HCN1: variants seen among roughly 807,000 people sequenced by gnomAD.
The protein encoded by HCN1 is potassium/sodium hyperpolarization-activated cyclic nucleotide-gated channel 1.
A neutral mutation model predicts 78.9 loss-of-function variants in HCN1; 13 were observed. That is an observed-to-expected ratio of 0.16 (90% CI 0.11 to 0.26). HCN1 has a LOEUF of 0.26. HCN1 is among the 10% of genes least tolerant of loss of function. The pLI is 1.00. For missense variants in HCN1, 810 were observed against 1,154.3 expected (o/e 0.70, Z 4.32); for synonymous variants, 552 against 455.5 (o/e 1.21, Z -2.70).
chr5:45,295,587 G>T (rs955446981), intron 6 of HCN1, among the ~76,000 whole-genome samples: 1 of 151,974 alleles, frequency 6.6e-6, no homozygotes, highest in Non-Finnish European at 1.5e-5. Flanking sequence ...CATTATTGTA[G>T]ATATAAATCA....
chr5:45,480,794 C>T (rs1400554012), intron 2 of HCN1, among the ~76,000 whole-genome samples: 1 of 152,120 alleles, frequency 6.6e-6, no homozygotes, highest in Non-Finnish European at 1.5e-5. Context: ...CAAAGGAAAA[C>T]AATTAAGAGA....
intron 6 of HCN1, among the ~76,000 whole-genome samples, chr5:45,298,480 T>C (rs966147360): frequency 6.6e-6 from 1 of 151,724 alleles, no homozygotes; most frequent in Admixed American, 6.6e-5. Context: ...AAGAAAAAAT[T>C]TACCCACAAT....
At chr5:45,482,633 G>T (rs903841195) in intron 2 of HCN1, among the ~76,000 whole-genome samples, 9 of 152,068 alleles carry the variant, frequency 5.9e-5, no homozygotes, top group Non-Finnish European at 1.2e-4. Context: ...TTTTGTTTTA[G>T]ATACAGGGGG....
chr5:45,464,554 C>T (rs1157797290), intron 2 of HCN1, among the ~76,000 whole-genome samples: 1 of 152,118 alleles, frequency 6.6e-6, no homozygotes, highest in Non-Finnish European at 1.5e-5. Context: ...GGAGAAGGTA[C>T]AAGCAAGTTG....
intron 2 of HCN1, among the ~76,000 whole-genome samples, chr5:45,498,899 G>A (rs1466456116): frequency 6.6e-6 from 1 of 152,150 alleles, no homozygotes; most frequent in African/African-American, 2.4e-5. Context: ...CTGCTTGGGG[G>A]TCAGGGGTCA....
At chr5:45,304,862 T>C (rs555736086) in intron 5 of HCN1, among the ~76,000 whole-genome samples, 1 of 152,228 alleles carries the variant, frequency 6.6e-6, no homozygotes, top group African/African-American at 2.4e-5. Context: ...ATCTGTATGT[T>C]TGATTTCATT....
In HCN1 at chr5:45,258,060, GAT is replaced by G. The variant is rs1442631927; in HGVS notation, c.*3859_*3860del. 3 of 152,028 alleles carry G rather than the reference GAT, an allele frequency of 2.0e-5. No homozygotes were observed. Among genetic ancestry groups the G allele is most frequent in the Non-Finnish European group, 4.4e-5 (3 of 68,002 alleles). The allele number at this position is 152,028 out of a possible 1,614,324, so 9.4% of individuals were successfully genotyped here. The stretch of plus-strand genomic sequence containing the variant: ...ATGGCACATGTTCTAAAAAGATAAA[GAT>G]ATAATGGAGAGATATCTCATTCAAA... On this transcript the variant is annotated 3_prime_UTR_variant, in exon 8 of 8. Coordinates refer to ENST00000303230, the MANE Select transcript of HCN1 (RefSeq NM_021072.4).
chr5:45,336,707 C>A (rs555021965), intron 5 of HCN1, among the ~76,000 whole-genome samples: 1 of 152,110 alleles, frequency 6.6e-6, no homozygotes, highest in African/African-American at 2.4e-5. Flanking sequence ...AAAATTATTT[C>A]TCACAGTTCT....
intron 3 of HCN1, among the ~76,000 whole-genome samples, chr5:45,400,809 G>A (rs945335968): frequency 1.3e-5 from 2 of 151,968 alleles, no homozygotes; most frequent in African/African-American, 2.4e-5. Flanking sequence ...CCAAAATCAG[G>A]TATGGATCAT....
At chr5:45,269,751 AC>A (rs1247091012) in intron 6 of HCN1, among the ~76,000 whole-genome samples, 2 of 152,096 alleles carry the variant, frequency 1.3e-5, no homozygotes, top group Admixed American at 6.6e-5. Context: ...CTATTCCGCA[AC>A]ATGGAGGGAG....
intron 3 of HCN1, among the ~76,000 whole-genome samples, chr5:45,407,285 T>G (rs1739944270): frequency 6.6e-6 from 1 of 152,092 alleles, no homozygotes; most frequent in African/African-American, 2.4e-5. Context: ...ACTCATCTGC[T>G]TGTGGCAATG....
intron 4 of HCN1, among the ~76,000 whole-genome samples, chr5:45,362,039 A>G (rs1478596233): frequency 6.6e-6 from 1 of 152,094 alleles, no homozygotes; most frequent in Non-Finnish European, 1.5e-5. Context: ...AGAAAAAATC[A>G]TTATAACCAT....
chr5:45,417,751 C>CAAAAAAAAAAA, intron 3 of HCN1, among the ~76,000 whole-genome samples: 2 of 14,794 alleles, frequency 1.4e-4, no homozygotes, highest in Admixed American at 6.2e-4. Flanking sequence ...TGTAGAGAGA[C>CAAAAAAAAAAA]AAAAAAAAAA....
chr5:45,673,187 G>GT (rs1746192774), intron 1 of HCN1, among the ~76,000 whole-genome samples: 2 of 151,452 alleles, frequency 1.3e-5, no homozygotes, highest in South Asian at 4.1e-4. Flanking sequence ...TTTATCTGGT[G>GT]TTTTTCTCAT....
chr5:45,635,042 A>C (rs932592167), intron 2 of HCN1, among the ~76,000 whole-genome samples: 21 of 152,056 alleles, frequency 1.4e-4, no homozygotes, highest in Admixed American at 1.4e-3. Context: ...TTTTACCACA[A>C]TCCAGATTCT....
chr5:45,609,003 G>A (rs935074079), intron 2 of HCN1, among the ~76,000 whole-genome samples: 1 of 151,966 alleles, frequency 6.6e-6, no homozygotes, highest in African/African-American at 2.4e-5. Flanking sequence ...TGTAATCAGG[G>A]AAATGCAAAT....
At chr5:45,492,893 A>G (rs1293496627) in intron 2 of HCN1, among the ~76,000 whole-genome samples, 1 of 152,138 alleles carries the variant, frequency 6.6e-6, no homozygotes, top group Non-Finnish European at 1.5e-5. Context: ...ATGAGAAGAA[A>G]CTAGAGTATG....
At chr5:45,516,922 TA>T (rs375654945) in intron 2 of HCN1, among the ~76,000 whole-genome samples, 2 of 151,918 alleles carry the variant, frequency 1.3e-5, no homozygotes, top group East Asian at 1.9e-4. Flanking sequence ...CTCATTGAAG[TA>T]AAAAAAATTC....
intron 2 of HCN1, among the ~76,000 whole-genome samples, chr5:45,465,615 C>T (rs957524746): frequency 4.0e-5 from 6 of 151,822 alleles, no homozygotes; most frequent in African/African-American, 2.4e-5. Context: ...ATTACCCGGG[C>T]GTGGCGGTGG....
Sources: gnomAD v4.1 joint callset for allele counts (sites outside exome capture counted in the v4.1 genomes callset) on GRCh38, gnomAD v4.1.1 for gene constraint, MANE v1.5 for transcripts, NCBI Gene and HGNC (gene_info 2026-07-23, HGNC 2026-07-21) for gene names.